UBE2K: variants seen among roughly 807,000 people sequenced by gnomAD.
UBE2K encodes the protein ubiquitin-conjugating enzyme E2 K.
Under a neutral mutation model 30.0 loss-of-function variants are expected in UBE2K, and 6 were observed. The ratio of observed to expected loss-of-function variants is 0.20; its 90% CI spans 0.11 to 0.39. UBE2K has a LOEUF of 0.39. UBE2K is among the 10% of genes least tolerant of loss of function. The pLI is 1.00. For missense variants in UBE2K, 61 were observed against 241.6 expected (o/e 0.25, Z 4.96); for synonymous variants, 86 against 83.7 (o/e 1.03, Z -0.15).
Position 39,731,496 on chromosome 4 carries a change from A to G in UBE2K, c.64-5924A>G, listed in dbSNP as rs556675830. 8.5e-5 allele frequency among the ~76,000 whole-genome samples: 13 copies of G among 152,096 alleles called. No homozygotes were observed. In the East Asian group the frequency reaches 2.1e-3, roughly 25 times the overall value. On this transcript the variant is annotated intron_variant, in intron 1 of 6. Transcript: ENST00000261427. ...GGAGTTTGAGACCACCCTGGCCAAC[A>G]TGATGAAACCTTGTCTCTAGTACAA...
At chr4:39,732,130 T>G (rs1720106467) in intron 1 of UBE2K, among the ~76,000 whole-genome samples, 1 of 152,200 alleles carries the variant, frequency 6.6e-6, no homozygotes, top group Non-Finnish European at 1.5e-5. Context: ...AATGATAAAT[T>G]TAGCATTTAC....
At chr4:39,736,536 CAT>C (rs1292244914) in intron 1 of UBE2K, among the ~76,000 whole-genome samples, 1 of 152,184 alleles carries the variant, frequency 6.6e-6, no homozygotes, top group African/African-American at 2.4e-5. Context: ...GTATTTTTAA[CAT>C]AGGTTTGAGA....
At chr4:39,771,414 C>T in intron 4 of UBE2K, 2 of 1,609,562 alleles carry the variant, frequency 1.2e-6, no homozygotes, top group Non-Finnish European at 1.7e-6. Flanking sequence ...GCTGGAAGCG[C>T]AGGACTTCAC....
intron 1 of UBE2K, among the ~76,000 whole-genome samples, chr4:39,725,304 C>T (rs1211021027): frequency 7.2e-6 from 1 of 139,178 alleles, no homozygotes; most frequent in Non-Finnish European, 1.5e-5. Flanking sequence ...CATCTGAACC[C>T]GGGAGGCAGT....
intron 4 of UBE2K, chr4:39,770,484 C>T (rs1242031890): frequency 6.2e-7 from 1 of 1,610,704 alleles, no homozygotes; most frequent in Admixed American, 1.7e-5. Flanking sequence ...GGGGTTTCCA[C>T]CTGAGAAGCT....
chr4:39,744,922 A>T (rs562520249), intron 2 of UBE2K, among the ~76,000 whole-genome samples: 26 of 149,922 alleles, frequency 1.7e-4, no homozygotes, highest in South Asian at 6.3e-4. Flanking sequence ...AAAAAAAAAT[A>T]AATTAAATAA....
chr4:39,745,701 A>T (rs1229226159), intron 2 of UBE2K, 51 bp from the exon 3 acceptor site: 3 of 1,229,808 alleles, frequency 2.4e-6, no homozygotes, highest in Admixed American at 1.9e-5. Flanking sequence ...TATTTGTCTT[A>T]TATATTTGAA....
At chr4:39,744,059 C>T (rs893430901) in intron 2 of UBE2K, among the ~76,000 whole-genome samples, 3 of 152,120 alleles carry the variant, frequency 2.0e-5, no homozygotes, top group East Asian at 1.9e-4. Flanking sequence ...GGTGGGGTTT[C>T]GCCATGTTTG....
At chr4:39,707,004 T>C (rs1718403194) in intron 1 of UBE2K, among the ~76,000 whole-genome samples, 1 of 151,956 alleles carries the variant, frequency 6.6e-6, no homozygotes, top group Non-Finnish European at 1.5e-5. Context: ...CCTCCTGGCT[T>C]CAAGTGATTC....
chr4:39,728,511 T>G (rs1719878643), intron 1 of UBE2K, among the ~76,000 whole-genome samples: 1 of 152,230 alleles, frequency 6.6e-6, no homozygotes, highest in Admixed American at 6.5e-5. Flanking sequence ...ACCCACTGTT[T>G]CCTTGAAATA....
intron 1 of UBE2K, among the ~76,000 whole-genome samples, chr4:39,728,082 C>T (rs1364058476): frequency 2.6e-5 from 4 of 151,632 alleles, no homozygotes; most frequent in Non-Finnish European, 5.9e-5. Flanking sequence ...TGCAGTGAGC[C>T]GAGATTGCCC....
intron 1 of UBE2K, among the ~76,000 whole-genome samples, chr4:39,699,801 T>G (rs775051343): frequency 5.3e-5 from 8 of 152,178 alleles, no homozygotes; most frequent in Non-Finnish European, 1.2e-4. Flanking sequence ...GAAAGTAGTA[T>G]ATAAGTCATG....
intron 3 of UBE2K, among the ~76,000 whole-genome samples, chr4:39,755,450 TA>T (rs1251334283): frequency 6.6e-6 from 1 of 152,226 alleles, no homozygotes; most frequent in Non-Finnish European, 1.5e-5. Context: ...GAACATTTAT[TA>T]AAGAGTTTGA....
chr4:39,770,937 TG>T, intron 4 of UBE2K: 1 of 1,184,870 alleles, frequency 8.4e-7, no homozygotes, highest in Non-Finnish European at 1.2e-6. Context: ...AGGTGGGGGG[TG>T]GGGGCTTCGG....
At position 39,712,195 on chromosome 4, in the gene UBE2K, C is replaced by CTTTT. The variant is rs34711359; in HGVS notation, c.63+13826_63+13829dup. On this transcript the variant is annotated intron_variant, in intron 1 of 6. Transcript: ENST00000261427. ...GCTGGAGTGCAATAGCACCGACAACCTTTTTTTTTTTTTTTTTTTTTTTTG... is the reference window on the plus strand; with the variant it reads ...GCTGGAGTGCAATAGCACCGACAACCTTTTTTTTTTTTTTTTTTTTTTTTTTTTG... Among the ~76,000 whole-genome samples, 25 of 58,342 alleles carry CTTTT rather than the reference C, an allele frequency of 4.3e-4. 1 individual carries two copies. Among genetic ancestry groups the CTTTT allele is most frequent in the Non-Finnish European group, 5.9e-4 (20 of 34,116 alleles). The allele number at this position is 58,342 out of a possible 152,430, so 38.3% of individuals were successfully genotyped here.
At chr4:39,742,637 G>A (rs868354794) in intron 2 of UBE2K, among the ~76,000 whole-genome samples, 10 of 152,164 alleles carry the variant, frequency 6.6e-5, no homozygotes, top group Non-Finnish European at 1.2e-4. Flanking sequence ...AGCTACCCAG[G>A]AGGCTGAGGT....
chr4:39,728,317 T>C (rs980691801), intron 1 of UBE2K, among the ~76,000 whole-genome samples: 1 of 152,156 alleles, frequency 6.6e-6, no homozygotes, highest in African/African-American at 2.4e-5. Flanking sequence ...GTAAATTATA[T>C]ATAGATATTG....
chr4:39,759,868 T>C (rs1711776342), intron 4 of UBE2K, among the ~76,000 whole-genome samples: 1 of 152,092 alleles, frequency 6.6e-6, no homozygotes, highest in South Asian at 2.1e-4. Flanking sequence ...ACCTCATGCA[T>C]TGCTGGTAAG....
At chr4:39,728,112 C>T (rs773516660) in intron 1 of UBE2K, among the ~76,000 whole-genome samples, 3 of 151,102 alleles carry the variant, frequency 2.0e-5, no homozygotes, top group Non-Finnish European at 2.9e-5. Flanking sequence ...TCAGCCTGGG[C>T]GACAGAGCAA....
Sources: allele counts gnomAD v4.1 joint callset (sites outside exome capture counted in the v4.1 genomes callset), GRCh38; gene constraint gnomAD v4.1.1; transcripts MANE v1.5; gene names NCBI Gene and HGNC (gene_info 2026-07-23, HGNC 2026-07-21).